Variants in DLG2 observed in about 807,000 individuals in gnomAD.
The protein encoded by DLG2 is discs large MAGUK scaffold protein 2, also known as disks large homolog 2.
DLG2 carries 45 observed loss-of-function variants against 132.5 expected under a neutral mutation model. The observed-to-expected ratio is 0.34, with a 90% CI of 0.27 to 0.44. The LOEUF (loss-of-function observed/expected upper bound fraction) is 0.44. Ranked by LOEUF, DLG2 falls within the 20% of genes least tolerant of loss-of-function variation. The pLI, the probability that DLG2 is intolerant of heterozygous loss-of-function variation, is 1.00. For synonymous variants in DLG2, 424 were observed against 419.6 expected (o/e 1.01, Z -0.13); for missense variants, 1,045 against 1,196.9 (o/e 0.87, Z 1.87).
At chr11:84,329,631 C>T (rs2098449492) in intron 7 of DLG2, among the ~76,000 whole-genome samples, 1 of 152,178 alleles carries the variant, frequency 6.6e-6, no homozygotes, top group Admixed American at 6.5e-5. Flanking sequence ...CAGTCTTAGG[C>T]AGTCCTTTAT....
At chr11:84,002,672 C>G (rs1193828165) in intron 11 of DLG2, among the ~76,000 whole-genome samples, 1 of 152,176 alleles carries the variant, frequency 6.6e-6, no homozygotes, top group East Asian at 1.9e-4. Flanking sequence ...AGCAGCAAGG[C>G]CCTCGTCCTT....
intron 9 of DLG2, among the ~76,000 whole-genome samples, chr11:84,145,595 A>T (rs547755445): frequency 6.6e-6 from 1 of 152,314 alleles, no homozygotes; most frequent in South Asian, 2.1e-4. Flanking sequence ...AATCAGGGCC[A>T]TGTCAAAGAT....
chr11:85,367,984 TC>T, intron 3 of DLG2, among the ~76,000 whole-genome samples: 1 of 152,318 alleles, frequency 6.6e-6, no homozygotes, highest in South Asian at 2.1e-4. Flanking sequence ...CTTTTAGTGT[TC>T]AGTTTTTATA....
chr11:85,242,330 G>GA lies in DLG2; in HGVS notation c.186+42889_186+42890insT, dbSNP rs144928714. 4.5e-3 allele frequency among the ~76,000 whole-genome samples: 675 copies of GA among 151,174 alleles called. 6 individuals are homozygous for GA. Among genetic ancestry groups the GA allele is most frequent in the African/African-American group, 0.016 (647 of 41,252 alleles). On this transcript the variant is annotated intron_variant, in intron 4 of 27. Transcript: ENST00000376104. ...TGGAACTTTTTATAAACGTTTTATT[G>GA]TTTTCTATATGTTTAATGTTTTCTA...
chr11:85,275,565 A>G (rs1437621855), intron 4 of DLG2, among the ~76,000 whole-genome samples: 1 of 152,096 alleles, frequency 6.6e-6, no homozygotes, highest in Non-Finnish European at 1.5e-5. Context: ...CAGAACTATT[A>G]TCTGATTCAG....
rs577974333 is a variant in DLG2, at chr11:84,285,367, G to A, written c.520-34076C>T. 5.3e-5 allele frequency among the ~76,000 whole-genome samples: 8 copies of A among 152,162 alleles called. No homozygotes were observed. The South Asian group carries it at 1.2e-3, about 24-fold the overall frequency. Reference sequence around the variant, plus strand: ...TAATTTGGACCTGTCTGTCACCAGGGTCAGCTTGGCCCATCTCCCCCTTCT... The same window carrying A: ...TAATTTGGACCTGTCTGTCACCAGGATCAGCTTGGCCCATCTCCCCCTTCT... On this transcript the variant is annotated intron_variant, in intron 7 of 27. Coordinates refer to ENST00000376104, the MANE Select transcript of DLG2 (RefSeq NM_001142699.3).
At chr11:85,097,760 T>G (rs1442354944) in intron 6 of DLG2, among the ~76,000 whole-genome samples, 3 of 152,158 alleles carry the variant, frequency 2.0e-5, no homozygotes, top group Non-Finnish European at 4.4e-5. Context: ...TGAAGACACT[T>G]TTAGTTTATT....
chr11:84,517,263 T>A (rs2099276617), intron 7 of DLG2, among the ~76,000 whole-genome samples: 1 of 151,534 alleles, frequency 6.6e-6, no homozygotes, highest in Non-Finnish European at 1.5e-5. Context: ...GTTAAGGAAT[T>A]AATATTCAAA....
chr11:85,025,859 A>C (rs2060470297), intron 6 of DLG2, among the ~76,000 whole-genome samples: 1 of 151,896 alleles, frequency 6.6e-6, no homozygotes, highest in African/African-American at 2.4e-5. Context: ...TGATAAACAT[A>C]ACATTCTACT....
At chr11:85,044,632 T>C (rs896862531) in intron 6 of DLG2, among the ~76,000 whole-genome samples, 10 of 152,038 alleles carry the variant, frequency 6.6e-5, no homozygotes, top group Admixed American at 5.3e-4. Flanking sequence ...CTAATATAAC[T>C]ACCACTGGAG....
intron 7 of DLG2, among the ~76,000 whole-genome samples, chr11:84,463,934 C>T (rs1205204525): frequency 1.3e-5 from 2 of 151,202 alleles, no homozygotes; most frequent in African/African-American, 4.8e-5. Flanking sequence ...TGTCCTCTTG[C>T]CCTCCACTTC....
intron 14 of DLG2, among the ~76,000 whole-genome samples, chr11:83,933,151 G>A (rs1195518605): frequency 6.6e-6 from 1 of 152,184 alleles, no homozygotes; most frequent in African/African-American, 2.4e-5. Context: ...AATCTGGGTG[G>A]CAGAACAGAT....
intron 6 of DLG2, among the ~76,000 whole-genome samples, chr11:85,041,737 A>G (rs903397090): frequency 6.6e-5 from 10 of 151,946 alleles, no homozygotes; most frequent in African/African-American, 2.4e-4. Context: ...AACCAATGAC[A>G]TTTAGAGATA....
At chr11:85,231,007 C>A (rs2075272606) in intron 4 of DLG2, among the ~76,000 whole-genome samples, 1 of 151,932 alleles carries the variant, frequency 6.6e-6, no homozygotes, top group African/African-American at 2.4e-5. Context: ...GCTACCAAAA[C>A]TGTGAGAAAT....
intron 16 of DLG2, among the ~76,000 whole-genome samples, chr11:83,842,320 G>C (rs2057727093): frequency 6.6e-6 from 1 of 152,088 alleles, no homozygotes; most frequent in Admixed American, 6.5e-5. Context: ...TTACCGCCAG[G>C]CTTGGTGGCT....
At chr11:83,941,589 T>C (rs534124039) in intron 14 of DLG2, among the ~76,000 whole-genome samples, 21 of 152,096 alleles carry the variant, frequency 1.4e-4, no homozygotes, top group Non-Finnish European at 2.6e-4. Flanking sequence ...AGAGACAGTT[T>C]AGTCATGTTG....
At chr11:85,287,359 G>T (rs1455614697) in intron 3 of DLG2, among the ~76,000 whole-genome samples, 1 of 152,074 alleles carries the variant, frequency 6.6e-6, no homozygotes, top group East Asian at 1.9e-4. Context: ...ATTGGTAAAA[G>T]TTATGAGCAG....
At chr11:84,781,953 T>C (rs1029179895) in intron 6 of DLG2, among the ~76,000 whole-genome samples, 1 of 152,054 alleles carries the variant, frequency 6.6e-6, no homozygotes, top group African/African-American at 2.4e-5. Flanking sequence ...GAAGCAGAAT[T>C]GAAGCCCAAA....
intron 7 of DLG2, among the ~76,000 whole-genome samples, chr11:84,383,739 G>C (rs552336962): frequency 3.3e-5 from 5 of 152,096 alleles, no homozygotes; most frequent in Non-Finnish European, 7.4e-5. Context: ...GCTGGAATTA[G>C]ATCTGTCCTT....
Sources: allele counts gnomAD v4.1 joint callset (sites outside exome capture counted in the v4.1 genomes callset), GRCh38; gene constraint gnomAD v4.1.1; transcripts MANE v1.5; gene names NCBI Gene and HGNC (gene_info 2026-07-23, HGNC 2026-07-21).